Variants in SNX24 observed in about 807,000 individuals in gnomAD.
SNX24 encodes the protein sorting nexin 24, also known as sorting nexin-24.
Under a neutral mutation model 28.7 loss-of-function variants are expected in SNX24, and 22 were observed. The ratio of observed to expected loss-of-function variants is 0.77; its 90% CI spans 0.55 to 1.10. The LOEUF is 1.10. SNX24 is among the 50% of genes least tolerant of loss of function. The probability of loss-of-function intolerance (pLI) is 0.00; values close to 1 mark genes in which losing one functional copy is unlikely to be tolerated. For missense variants in SNX24, 221 were observed against 201.1 expected, an observed-to-expected ratio of 1.10 and a Z score of -0.60; for synonymous variants, 69 against 71.5, an observed-to-expected ratio of 0.96 and a Z score of 0.18.
downstream of SNX24, among the ~76,000 whole-genome samples, chr5:123,009,447 A>G (rs912375068): frequency 2.6e-5 from 4 of 152,262 alleles, no homozygotes; most frequent in Admixed American, 6.5e-5. Flanking sequence ...CCAAGTATCT[A>G]TAGTGGTACA....
At chr5:122,919,085 G>C (rs1402445342) in intron 1 of SNX24, among the ~76,000 whole-genome samples, 1 of 152,198 alleles carries the variant, frequency 6.6e-6, no homozygotes, top group Non-Finnish European at 1.5e-5. Context: ...TAGTAAAGCT[G>C]TATCGAAAAT....
chr5:122,870,581 G>A (rs974616014), intron 1 of SNX24, among the ~76,000 whole-genome samples: 4 of 152,180 alleles, frequency 2.6e-5, no homozygotes, highest in African/African-American at 7.2e-5. Flanking sequence ...AGAGAGAAAC[G>A]GAAGTGGAGA....
At chr5:122,955,226 T>A (rs998083008) in intron 3 of SNX24, among the ~76,000 whole-genome samples, 5 of 152,178 alleles carry the variant, frequency 3.3e-5, no homozygotes, top group Non-Finnish European at 7.4e-5. Flanking sequence ...CATTTGTTCT[T>A]CTTTATATCT....
At chr5:122,926,834 G>T (rs1758720425) in intron 1 of SNX24, among the ~76,000 whole-genome samples, 2 of 152,178 alleles carry the variant, frequency 1.3e-5, no homozygotes, top group Admixed American at 1.3e-4. Flanking sequence ...CCTATGAATG[G>T]GCATCGGCAG....
At chr5:122,847,643 G>T (rs958176754) in intron 1 of SNX24, among the ~76,000 whole-genome samples, 6 of 151,882 alleles carry the variant, frequency 4.0e-5, no homozygotes, top group African/African-American at 1.5e-4. Flanking sequence ...ACAGGCACAT[G>T]GCACCACTCC....
At chr5:122,989,090 G>A (rs1011660036) in intron 3 of SNX24, among the ~76,000 whole-genome samples, 2 of 151,540 alleles carry the variant, frequency 1.3e-5, no homozygotes, top group Non-Finnish European at 2.9e-5. Context: ...TTAGTATTCT[G>A]TTCTATGGGC....
rs1392916943 is a variant in SNX24 at position 123,008,633 on chromosome 5, T to C, written c.*884T>C. 1 of 155,718 alleles carries C rather than the reference T, an allele frequency of 6.4e-6. No homozygotes were observed. Among genetic ancestry groups the C allele is most frequent in the African/African-American group, 2.4e-5 (1 of 41,208 alleles). The allele number at this position is 155,718 out of a possible 1,614,324, so 9.6% of individuals were successfully genotyped here. ...AGATGCTTGCCCCGCTAGTGGCAGA[T>C]GTGAACTGACAAGGAGTGAAGCGCC... On this transcript the variant is annotated 3_prime_UTR_variant, in exon 7 of 7. Coordinates refer to ENST00000261369, the MANE Select transcript of SNX24 (RefSeq NM_014035.4).
intron 1 of SNX24, among the ~76,000 whole-genome samples, chr5:122,928,308 G>GAAT (rs1362028304): frequency 2.0e-5 from 3 of 152,148 alleles, no homozygotes; most frequent in African/African-American, 7.2e-5. Flanking sequence ...ATGAAATAAT[G>GAAT]GATCTTCAAC....
chr5:122,951,257 ACT>A (rs1277482414), intron 3 of SNX24, among the ~76,000 whole-genome samples: 9 of 129,560 alleles, frequency 6.9e-5, no homozygotes, highest in South Asian at 2.6e-4. Context: ...ACAGAGTGAG[ACT>A]CTGTCTCAAA....
Position 123,025,812 on chromosome 5 carries a change from A to G in SNX24, n.384-3426A>G, listed in dbSNP as rs770988129. ...CCCATCAATGACTTTTCCAAACACC[A>G]CATGTTTGCCGTCCAACCAGGTGGG... On this transcript the variant is annotated intron_variant and non_coding_transcript_variant, in intron 5 of 5. Transcript: ENST00000502387. 8.1e-6 allele frequency: 13 copies of G among 1,613,718 alleles called. No individual in the cohort carries two copies. In the Admixed American group the frequency reaches 1.7e-4, roughly 21 times the overall value.
At chr5:122,988,735 A>G (rs1379554737) in intron 3 of SNX24, among the ~76,000 whole-genome samples, 1 of 151,958 alleles carries the variant, frequency 6.6e-6, no homozygotes, top group Non-Finnish European at 1.5e-5. Context: ...ATCAGCTTAC[A>G]TTTTTCTTTG....
intron 1 of SNX24, among the ~76,000 whole-genome samples, chr5:122,867,713 T>G (rs1228059617): frequency 6.6e-6 from 1 of 152,342 alleles, no homozygotes; most frequent in Admixed American, 6.5e-5. Context: ...ATCCTCATGA[T>G]TATTAAAATC....
chr5:122,854,720 C>A lies in SNX24; in HGVS notation c.60+9027C>A, dbSNP rs373460298. Among the ~76,000 whole-genome samples, 16 of 152,182 alleles carry A rather than the reference C, an allele frequency of 1.1e-4. 2 individuals carry two copies. Among genetic ancestry groups the A allele is most frequent in the East Asian group, 3.9e-4 (2 of 5,174 alleles). ...TATCCTGGAGATCACTGCACAGGGACATATATGAAGATGTATCATTCTCTT... is the reference window on the plus strand; with the variant it reads ...TATCCTGGAGATCACTGCACAGGGAAATATATGAAGATGTATCATTCTCTT... On this transcript the variant is annotated intron_variant, in intron 1 of 6. Coordinates refer to ENST00000261369, the MANE Select transcript of SNX24 (RefSeq NM_014035.4).
Position 123,008,368 on chromosome 5 carries a change from G to C in SNX24, c.*619G>C. 1 of 894,318 alleles carries C rather than the reference G, an allele frequency of 1.1e-6. No individual in the cohort carries two copies. The highest frequency in any genetic ancestry group is 1.3e-6 in the Non-Finnish European group (1 of 746,922). 55.4% of individuals were successfully genotyped at this position (894,318 alleles called of 1,614,324 possible). A position where few individuals can be genotyped will look rare whatever the true frequency, so the allele number is the denominator to read the frequency against. ...GGAGTTGCATCATACTCAGGGGTTAGCTTCCAAGGTCAGTACATAGGTAAA... is the reference window on the plus strand; with the variant it reads ...GGAGTTGCATCATACTCAGGGGTTACCTTCCAAGGTCAGTACATAGGTAAA... On this transcript the variant is annotated 3_prime_UTR_variant, in exon 7 of 7. Coordinates refer to ENST00000261369, the MANE Select transcript of SNX24 (RefSeq NM_014035.4).
intron 2 of SNX24, among the ~76,000 whole-genome samples, chr5:122,943,502 C>T (rs1759550232): frequency 6.6e-6 from 1 of 152,198 alleles, no homozygotes; most frequent in South Asian, 2.1e-4. Context: ...CCTGCTTCTC[C>T]TCCCTGCTGT....
intron 5 of SNX24, chr5:123,029,221 A>C: frequency 6.2e-7 from 1 of 1,606,920 alleles, no homozygotes; most frequent in South Asian, 1.1e-5. Context: ...ATACTAATTT[A>C]ATACTTATTT....
At chr5:122,972,335 C>A (rs1436224720) in intron 3 of SNX24, among the ~76,000 whole-genome samples, 1 of 152,162 alleles carries the variant, frequency 6.6e-6, no homozygotes, top group Non-Finnish European at 1.5e-5. Context: ...AATGATGCCA[C>A]TTCCACTTCC....
intron 3 of SNX24, among the ~76,000 whole-genome samples, chr5:122,973,800 C>T (rs1276619171): frequency 6.6e-6 from 1 of 152,180 alleles, no homozygotes; most frequent in Non-Finnish European, 1.5e-5. Flanking sequence ...AGAGCTGTCT[C>T]TCAAAAGGAG....
intron 1 of SNX24, among the ~76,000 whole-genome samples, chr5:122,871,693 G>A (rs530089326): frequency 4.6e-5 from 7 of 152,152 alleles, no homozygotes; most frequent in South Asian, 2.1e-4. Context: ...TCACTTGAAC[G>A]TGGGAGGCGG....
Sources: gnomAD v4.1 joint callset for allele counts (sites outside exome capture counted in the v4.1 genomes callset) on GRCh38, gnomAD v4.1.1 for gene constraint, MANE v1.5 for transcripts, NCBI Gene and HGNC (gene_info 2026-07-23, HGNC 2026-07-21) for gene names.